Variants in ZBTB1 observed in about 807,000 individuals in gnomAD.
ZBTB1 encodes the protein zinc finger and BTB domain-containing protein 1.
In ZBTB1, 13 loss-of-function variants were observed where a neutral mutation model predicts 51.6. That is an observed-to-expected ratio of 0.25 (90% confidence interval 0.16 to 0.40). The LOEUF (loss-of-function observed/expected upper bound fraction) is 0.40, where lower values mean the gene tolerates loss of function less well. ZBTB1 is among the 10% of genes least tolerant of loss of function. ZBTB1 has a pLI of 1.00. For synonymous variants in ZBTB1, 240 were observed against 282.2 expected (o/e 0.85, Z 1.50); for missense variants, 567 against 856.5 (o/e 0.66, Z 4.22).
At chr14:64,525,857 C>T (rs375539836), downstream of ZBTB1, among the ~76,000 whole-genome samples, 20 of 152,182 alleles carry the variant, frequency 1.3e-4, no homozygotes, top group East Asian at 3.5e-3. Context: ...GAGTCTTACT[C>T]TTGCCCAGGC....
downstream of ZBTB1, among the ~76,000 whole-genome samples, chr14:64,528,625 T>C (rs1340509601): frequency 2.0e-5 from 3 of 152,132 alleles, no homozygotes; most frequent in South Asian, 2.1e-4. Flanking sequence ...AGGGTTATAT[T>C]TGGTGTTAAG....
At position 64,522,206 on chromosome 14, in the gene ZBTB1, T is replaced by C. The variant is rs10133411; in HGVS notation, c.702T>C (p.His234=). 0.21 allele frequency: 344,839 copies of C among 1,614,128 alleles called. 38,177 individuals carry two copies. The highest frequency in any genetic ancestry group is 0.23 in the Non-Finnish European group (269,610 of 1,180,016). ...GCTGTGAAAAATTATTAGATGAGCATGTGCTAACCTGTACTAACAGACATT... is the reference window on the plus strand; with the variant it reads ...GCTGTGAAAAATTATTAGATGAGCACGTGCTAACCTGTACTAACAGACATT... ...GFSCEKLLDE[H]VLTCTNRHLY... The change falls in exon 2 of 2, where the codon CAT becomes CAC. Residue 234 remains histidine, a synonymous_variant. Transcript: ENST00000683701.
intron 1 of ZBTB1, among the ~76,000 whole-genome samples, chr14:64,513,067 T>TA (rs1360067712): frequency 2.6e-5 from 4 of 152,196 alleles, no homozygotes; most frequent in Non-Finnish European, 4.4e-5. Flanking sequence ...TAGGGTTTGT[T>TA]ACGAGGATTA....
At chr14:64,513,703 C>T (rs773539519) in intron 1 of ZBTB1, among the ~76,000 whole-genome samples, 14 of 151,816 alleles carry the variant, frequency 9.2e-5, no homozygotes, top group East Asian at 1.9e-4. Context: ...GCTCTGTTGC[C>T]CAGGCTGGAG....
Position 64,524,893 on chromosome 14 carries a change from CA to C in ZBTB1, c.*1248del, listed in dbSNP as rs1454026315. The C allele has an allele frequency of 1.0e-6, 1 of 985,174 alleles. No individual in the cohort carries two copies. The highest frequency in any genetic ancestry group is 1.2e-6 in the Non-Finnish European group (1 of 829,900). 61.0% of individuals were successfully genotyped at this position (985,174 alleles called of 1,614,324 possible). On this transcript the variant is annotated 3_prime_UTR_variant, in exon 2 of 2. Transcript: ENST00000683701. ...TGCTGACACAGGGTCTACATAATTA[CA>C]TGTGAATTAAAACATTGGCAAAACT... is the stretch of plus-strand genomic sequence containing the variant.
At chr14:64,515,795 A>C (rs565532846) in intron 1 of ZBTB1, among the ~76,000 whole-genome samples, 1 of 152,222 alleles carries the variant, frequency 6.6e-6, no homozygotes. Flanking sequence ...CTGGGATTAC[A>C]GGCGTGAGCC....
In ZBTB1 at chr14:64,522,365, C is replaced by G. The variant is rs910638180; in HGVS notation, c.861C>G (p.Asp287Glu). Residue 287 changes from aspartate (D) to glutamate (E), a missense_variant, in exon 2 of 2, where the codon GAC (aspartate) becomes GAG (glutamate). By Grantham distance (45) the Asp-to-Glu change is conservative. Transcript: ENST00000683701. ...FSAQTDKYRG[D>E]TSQAADDSAS... ...CACAGACGGACAAATACAGAGGAGA[C>G]ACAAGCCAGGCTGCTGATGATTCAG... 2 of 1,614,112 alleles carry G rather than the reference C, an allele frequency of 1.2e-6. No individual in the cohort carries two copies. Among genetic ancestry groups the G allele is most frequent in the East Asian group, 4.5e-5 (2 of 44,886 alleles).
chr14:64,530,324 G>C (rs1401223434), intron 2 of ZBTB1, among the ~76,000 whole-genome samples: 1 of 152,138 alleles, frequency 6.6e-6, no homozygotes, highest in Non-Finnish European at 1.5e-5. Context: ...TTCTGGCTGG[G>C]AGCAGTGGCT....
chr14:64,505,098 G>C, intron 1 of ZBTB1, 152 bp downstream of exon 1: 3 of 353,922 alleles, frequency 8.5e-6, no homozygotes, highest in Non-Finnish European at 1.5e-5. Flanking sequence ...ACCCGGTGAC[G>C]GGCGGCTGCC....
chr14:64,505,601 G>C (rs1449941355), intron 1 of ZBTB1, among the ~76,000 whole-genome samples: 3 of 152,222 alleles, frequency 2.0e-5, no homozygotes, highest in Non-Finnish European at 4.4e-5. Flanking sequence ...ATGCAGATCG[G>C]GAGTCGTTAC....
At chr14:64,519,037 C>T (rs1486506032) in intron 1 of ZBTB1, among the ~76,000 whole-genome samples, 2 of 149,588 alleles carry the variant, frequency 1.3e-5, no homozygotes, top group Non-Finnish European at 3.0e-5. Flanking sequence ...TGCATCTCAA[C>T]AAATCTGAAG....
intron 1 of ZBTB1, among the ~76,000 whole-genome samples, chr14:64,508,208 ACT>A (rs1176151665): frequency 6.6e-6 from 1 of 152,126 alleles, no homozygotes; most frequent in African/African-American, 2.4e-5. Context: ...TTTTTATACT[ACT>A]CTGTCTTTGA....
intron 1 of ZBTB1, among the ~76,000 whole-genome samples, chr14:64,516,266 T>A (rs2079784931): frequency 6.6e-6 from 1 of 152,086 alleles, no homozygotes; most frequent in Non-Finnish European, 1.5e-5. Flanking sequence ...AAAAAAATAA[T>A]AATTAAAATT....
chr14:64,525,416 A>G (rs2079896676), downstream of ZBTB1, among the ~76,000 whole-genome samples: 1 of 151,462 alleles, frequency 6.6e-6, no homozygotes, highest in Admixed American at 6.5e-5. Flanking sequence ...ATCCAACTTA[A>G]AATGAAATGT....
chr14:64,527,392 C>T (rs959645165), downstream of ZBTB1, among the ~76,000 whole-genome samples: 1 of 151,450 alleles, frequency 6.6e-6, no homozygotes, highest in African/African-American at 2.4e-5. Context: ...GGGTGGATTG[C>T]GAGGTCAGGA....
At chr14:64,519,775 C>G (rs1386416295) in intron 1 of ZBTB1, among the ~76,000 whole-genome samples, 3 of 147,730 alleles carry the variant, frequency 2.0e-5, no homozygotes, top group Non-Finnish European at 4.5e-5. Flanking sequence ...GAGACCCTGC[C>G]TCAAAAAAAA....
At chr14:64,531,918 A>C in exon 3 of ZBTB1, 1 of 1,613,398 alleles carries the variant, frequency 6.2e-7, no homozygotes, top group South Asian at 1.1e-5. Context: ...TTTGGAGAGG[A>C]CATGGGGAAG....
downstream of ZBTB1, among the ~76,000 whole-genome samples, chr14:64,528,433 T>C (rs920145121): frequency 2.7e-5 from 4 of 149,752 alleles, no homozygotes; most frequent in Non-Finnish European, 5.9e-5. Context: ...TTGTAACATA[T>C]ACTTCTCAGT....
chr14:64,511,198 G>A (rs1263669240), intron 1 of ZBTB1: 1 of 152,186 alleles, frequency 6.6e-6, no homozygotes. Flanking sequence ...GTGCAATAAG[G>A]GATTTCCTGG....
Sources: gnomAD v4.1 joint callset for allele counts (sites outside exome capture counted in the v4.1 genomes callset) on GRCh38, gnomAD v4.1.1 for gene constraint, MANE v1.5 for transcripts, NCBI Gene and HGNC (gene_info 2026-07-23, HGNC 2026-07-21) for gene names.